SPOCK1: variants seen among roughly 807,000 people sequenced by gnomAD.
SPOCK1 encodes the protein SPARC (osteonectin), cwcv and kazal like domains proteoglycan 1.
A neutral mutation model predicts 55.3 loss-of-function variants in SPOCK1; 23 were observed. That is an observed-to-expected ratio of 0.42 (90% CI 0.30 to 0.59). The LOEUF (loss-of-function observed/expected upper bound fraction) is 0.59, where lower values mean the gene tolerates loss of function less well. Among genes scored for constraint, SPOCK1 ranks in the 20% least tolerant of loss-of-function variants. The pLI is 0.22. For synonymous variants in SPOCK1, 226 were observed against 221.0 expected, an observed-to-expected ratio of 1.02 and a Z score of -0.20; for missense variants, 499 against 552.5, an observed-to-expected ratio of 0.90 and a Z score of 0.97.
chr5:137,210,778 T>A (rs1266861640), intron 3 of SPOCK1, among the ~76,000 whole-genome samples: 1 of 152,212 alleles, frequency 6.6e-6, no homozygotes, highest in Non-Finnish European at 1.5e-5. Context: ...CATCTTCTAA[T>A]TCTGTTATTT....
intron 2 of SPOCK1, among the ~76,000 whole-genome samples, chr5:137,378,085 C>T (rs1317551805): frequency 6.6e-6 from 1 of 151,578 alleles, no homozygotes; most frequent in African/African-American, 2.4e-5. Flanking sequence ...GCTGGGATTA[C>T]AGGCATGCAC....
chr5:137,176,441 T>C (rs772378568), intron 3 of SPOCK1, among the ~76,000 whole-genome samples: 3 of 151,992 alleles, frequency 2.0e-5, no homozygotes, highest in Non-Finnish European at 4.4e-5. Context: ...TGAGATGTTC[T>C]AATGGAGAGA....
intron 3 of SPOCK1, 101 bp from the exon 4 acceptor site, chr5:137,140,795 G>T: frequency 1.4e-6 from 1 of 728,480 alleles, no homozygotes; most frequent in Non-Finnish European, 2.0e-6. Context: ...CTCTCGCTGT[G>T]TTGCCCAGAC....
chr5:137,449,260 G>C lies in SPOCK1; in HGVS notation c.186+49113C>G, dbSNP rs191316373. 4.6e-3 allele frequency among the ~76,000 whole-genome samples: 698 copies of C among 152,302 alleles called. 5 individuals are homozygous for C. The highest frequency in any genetic ancestry group is 0.016 in the African/African-American group (665 of 41,572). On this transcript the variant is annotated intron_variant, in intron 2 of 10. Coordinates refer to ENST00000394945, the MANE Select transcript of SPOCK1 (RefSeq NM_004598.4). Reference sequence around the variant, plus strand: ...AAAAGAGAGATAGTCTCCTTGACCAGACACAGGCAATCCTGGACCATGTGT... The same window carrying C: ...AAAAGAGAGATAGTCTCCTTGACCACACACAGGCAATCCTGGACCATGTGT...
chr5:137,216,419 A>G (rs1377604791), intron 3 of SPOCK1, among the ~76,000 whole-genome samples: 1 of 152,252 alleles, frequency 6.6e-6, no homozygotes, highest in Non-Finnish European at 1.5e-5. Context: ...TTCAAGGATC[A>G]TAACAGTAAG....
chr5:137,128,532 C>A (rs1004491148), intron 4 of SPOCK1, among the ~76,000 whole-genome samples: 1 of 152,170 alleles, frequency 6.6e-6, no homozygotes, highest in Non-Finnish European at 1.5e-5. Flanking sequence ...TATAAAAATA[C>A]CATAATGTGG....
At chr5:137,121,185 T>C (rs1040568078) in intron 4 of SPOCK1, among the ~76,000 whole-genome samples, 3 of 152,224 alleles carry the variant, frequency 2.0e-5, no homozygotes, top group African/African-American at 7.2e-5. Flanking sequence ...GTACGTCCCA[T>C]AACATACATT....
chr5:137,425,008 T>C (rs1752579092), intron 2 of SPOCK1, among the ~76,000 whole-genome samples: 1 of 152,266 alleles, frequency 6.6e-6, no homozygotes, highest in Non-Finnish European at 1.5e-5. Flanking sequence ...AAAGCAGTCT[T>C]CCCTGTTATC....
chr5:136,987,925 C>A (rs1750874766), intron 8 of SPOCK1, among the ~76,000 whole-genome samples: 1 of 152,160 alleles, frequency 6.6e-6, no homozygotes. Context: ...TTCTTCTATT[C>A]CCCAAATCTT....
At chr5:137,203,878 A>C (rs1179175235) in intron 3 of SPOCK1, among the ~76,000 whole-genome samples, 2 of 152,226 alleles carry the variant, frequency 1.3e-5, no homozygotes, top group Admixed American at 1.3e-4. Flanking sequence ...GGAGGACATT[A>C]TGGAAAATCC....
At chr5:137,177,581 TG>T (rs1279956269) in intron 3 of SPOCK1, among the ~76,000 whole-genome samples, 1 of 151,876 alleles carries the variant, frequency 6.6e-6, no homozygotes, top group Non-Finnish European at 1.5e-5. Context: ...TTCAGGAGGT[TG>T]GGGGGTGCTT....
At chr5:137,494,286 G>A (rs760238115) in intron 2 of SPOCK1, among the ~76,000 whole-genome samples, 4 of 152,198 alleles carry the variant, frequency 2.6e-5, no homozygotes, top group African/African-American at 7.2e-5. Context: ...GGCTGTTCAC[G>A]GGTTGCCCTC....
chr5:137,356,832 T>TGG, intron 2 of SPOCK1, among the ~76,000 whole-genome samples: 1 of 10,166 alleles, frequency 9.8e-5, no homozygotes, highest in Non-Finnish European at 2.0e-4. Context: ...TATATATATA[T>TGG]ATATATAGAG....
intron 3 of SPOCK1, among the ~76,000 whole-genome samples, chr5:137,205,949 CAA>C (rs568980134): frequency 7.2e-4 from 110 of 152,278 alleles, no homozygotes; most frequent in Non-Finnish European, 8.4e-4. Context: ...CATTTAGACA[CAA>C]AGAGAGGTCA....
At chr5:137,403,174 G>A (rs1035794931) in intron 2 of SPOCK1, among the ~76,000 whole-genome samples, 1 of 152,170 alleles carries the variant, frequency 6.6e-6, no homozygotes, top group Non-Finnish European at 1.5e-5. Flanking sequence ...GACCACTACG[G>A]AAGATGATCA....
intron 6 of SPOCK1, among the ~76,000 whole-genome samples, chr5:137,024,271 C>T (rs574715254): frequency 7.2e-6 from 1 of 138,260 alleles, no homozygotes; most frequent in South Asian, 2.3e-4. Flanking sequence ...TGCTGATCTG[C>T]CAGACAGATA....
chr5:137,235,828 T>C (rs759821264), intron 3 of SPOCK1, among the ~76,000 whole-genome samples: 1 of 152,326 alleles, frequency 6.6e-6, no homozygotes, highest in East Asian at 1.9e-4. Flanking sequence ...GCAGCTCACA[T>C]AGGTGGTTCG....
chr5:137,277,891 G>T (rs868304369), intron 2 of SPOCK1, among the ~76,000 whole-genome samples: 3 of 152,126 alleles, frequency 2.0e-5, no homozygotes, highest in African/African-American at 4.8e-5. Context: ...AGATGCACAG[G>T]AGTCTCCTGC....
chr5:137,116,854 C>T (rs147076906), intron 4 of SPOCK1, among the ~76,000 whole-genome samples: 11 of 152,238 alleles, frequency 7.2e-5, no homozygotes, highest in Admixed American at 7.2e-4. Context: ...TTCCCATGTG[C>T]CATCATGTGG....
Sources: allele counts gnomAD v4.1 joint callset (sites outside exome capture counted in the v4.1 genomes callset), GRCh38; gene constraint gnomAD v4.1.1; transcripts MANE v1.5; gene names NCBI Gene and HGNC (gene_info 2026-07-23, HGNC 2026-07-21).